NCKAP5: variants seen among roughly 807,000 people sequenced by gnomAD.
The protein encoded by NCKAP5 is NCK associated protein 5.
In NCKAP5, 92 loss-of-function variants were observed where a neutral mutation model predicts 167.0. The ratio of observed to expected loss-of-function variants is 0.55; its 90% CI spans 0.47 to 0.66. NCKAP5 has a LOEUF of 0.66. Ranked by LOEUF, NCKAP5 falls within the 30% of genes least tolerant of loss-of-function variation. The pLI is 0.00. For synonymous variants in NCKAP5, 891 were observed against 877.4 expected (o/e 1.02, Z -0.27); for missense variants, 2,378 against 2,315.0 (o/e 1.03, Z -0.56).
In NCKAP5 at chr2:132,963,771, A is replaced by G. The variant is rs1406436027; in HGVS notation, c.528T>C (p.Asp176=). ...EDSRSESSST[D]EGKEKTKLLL... ...GCAATTTGGTCTTTTCTTTTCCCTC[A>G]TCTGTACTGCTGCTTTCACTCCTCG... Residue 176 remains aspartate (D), a synonymous_variant, in exon 8 of 20, where the codon GAT becomes GAC. Transcript: ENST00000409261. 2.5e-6 allele frequency: 4 copies of G among 1,613,794 alleles called. No individual in the cohort carries two copies. Among genetic ancestry groups the G allele is most frequent in the Admixed American group, 1.7e-5 (1 of 59,992 alleles).
chr2:133,479,473 A>G (rs1370461665), intron 3 of NCKAP5, among the ~76,000 whole-genome samples: 1 of 152,250 alleles, frequency 6.6e-6, no homozygotes, highest in Non-Finnish European at 1.5e-5. Context: ...GGAAGGGAAC[A>G]TTTCAAAGTA....
At chr2:133,526,649 C>T (rs528659959) in intron 2 of NCKAP5, among the ~76,000 whole-genome samples, 15 of 152,240 alleles carry the variant, frequency 9.9e-5, no homozygotes, top group African/African-American at 3.4e-4. Flanking sequence ...CTGCTCTTCT[C>T]AAACCATCTG....
chr2:133,421,775 C>A (rs1422592036), intron 3 of NCKAP5, among the ~76,000 whole-genome samples: 3 of 152,332 alleles, frequency 2.0e-5, no homozygotes, highest in Middle Eastern at 6.8e-3. Context: ...CTCAGTCAGC[C>A]CTTACTTTCC....
At chr2:132,895,815 TCAAAAAAAAAAAAAAAAA>T (rs1248277827) in intron 8 of NCKAP5, among the ~76,000 whole-genome samples, 1 of 41,306 alleles carries the variant, frequency 2.4e-5, no homozygotes, top group Non-Finnish European at 4.0e-5. Flanking sequence ...TGAGAAGGAC[TCAAAAAAAAAAAAAAAAA>T]CAAAAAAAAA....
intron 6 of NCKAP5, among the ~76,000 whole-genome samples, chr2:133,066,561 T>C (rs1170225673): frequency 6.6e-6 from 1 of 152,182 alleles, no homozygotes. Context: ...TCCTTCTCTC[T>C]CACAGAAGAA....
intron 11 of NCKAP5, among the ~76,000 whole-genome samples, chr2:132,805,161 CTAAG>C (rs1202071091): frequency 1.3e-5 from 2 of 152,052 alleles, no homozygotes; most frequent in South Asian, 2.1e-4. Context: ...CTTTTTAGCA[CTAAG>C]TGTGTGTTTC....
chr2:133,599,369 C>A, the NCKAP5 span, among the ~76,000 whole-genome samples: 57 of 152,218 alleles, frequency 3.7e-4, no homozygotes, highest in African/African-American at 1.3e-3. Flanking sequence ...GTAGTGGGAG[C>A]ACTCAGAGGC....
At chr2:133,056,017 G>A (rs932558984) in intron 6 of NCKAP5, among the ~76,000 whole-genome samples, 1 of 152,164 alleles carries the variant, frequency 6.6e-6, no homozygotes, top group Non-Finnish European at 1.5e-5. Flanking sequence ...ACTTATCCCT[G>A]TGCCAATGTT....
chr2:132,735,309 A>G (rs1691406107), intron 16 of NCKAP5, among the ~76,000 whole-genome samples: 1 of 152,286 alleles, frequency 6.6e-6, no homozygotes, highest in Middle Eastern at 3.4e-3. Flanking sequence ...GGTTATATCC[A>G]TCATTCATGA....
At chr2:133,294,419 G>T (rs1417310910) in intron 4 of NCKAP5, among the ~76,000 whole-genome samples, 5 of 152,184 alleles carry the variant, frequency 3.3e-5, no homozygotes, top group African/African-American at 1.2e-4. Context: ...CTCTGGGCCT[G>T]ACTCTTCTCA....
At chr2:132,698,528 G>A (rs1687555612) in intron 19 of NCKAP5, among the ~76,000 whole-genome samples, 1 of 152,056 alleles carries the variant, frequency 6.6e-6, no homozygotes, top group Non-Finnish European at 1.5e-5. Context: ...GCATTGACTG[G>A]GAACTTGTTA....
At position 133,398,107 on chromosome 2, in the gene NCKAP5, G is replaced by A. The variant is rs560709343; in HGVS notation, c.70-94997C>T. ...GGAGCAAAGCCATGGAAAACGTACT[G>A]CCCTGGTGCTACTAGATAAGATCAG... On this transcript the variant is annotated intron_variant, in intron 3 of 19. Coordinates refer to ENST00000409261, the MANE Select transcript of NCKAP5 (RefSeq NM_207363.3). Among the ~76,000 whole-genome samples, 16 of 152,154 alleles carry A rather than the reference G, an allele frequency of 1.1e-4. No homozygotes were observed. In the East Asian group the frequency reaches 3.1e-3, roughly 29 times the overall value.
At chr2:133,585,973 A>C in the NCKAP5 span, among the ~76,000 whole-genome samples, 1 of 152,244 alleles carries the variant, frequency 6.6e-6, no homozygotes. Context: ...GGTGCTGATC[A>C]TTAAAAAAGA....
chr2:133,257,428 T>C (rs1399169035), intron 4 of NCKAP5, among the ~76,000 whole-genome samples: 1 of 152,130 alleles, frequency 6.6e-6, no homozygotes, highest in African/African-American at 2.4e-5. Flanking sequence ...AACAAATGAG[T>C]TATTAATTAA....
chr2:133,115,796 T>TGTTCAC (rs1253176311), intron 6 of NCKAP5, among the ~76,000 whole-genome samples: 1 of 121,042 alleles, frequency 8.3e-6, no homozygotes, highest in African/African-American at 4.3e-5. Flanking sequence ...TATATATATA[T>TGTTCAC]ATATATATAT....
intron 2 of NCKAP5, among the ~76,000 whole-genome samples, chr2:133,534,111 T>C (rs1685573414): frequency 6.6e-6 from 1 of 152,212 alleles, no homozygotes; most frequent in Admixed American, 6.5e-5. Context: ...TGATCCATTT[T>C]GGAAATTAAA....
intron 5 of NCKAP5, among the ~76,000 whole-genome samples, chr2:133,136,417 C>T (rs1364535238): frequency 3.3e-5 from 5 of 152,160 alleles, no homozygotes; most frequent in Admixed American, 1.3e-4. Flanking sequence ...TTTGACGAAA[C>T]ATATCAGGCA....
chr2:133,071,970 T>C (rs1281556643), intron 6 of NCKAP5, among the ~76,000 whole-genome samples: 1 of 152,214 alleles, frequency 6.6e-6, no homozygotes, highest in Non-Finnish European at 1.5e-5. Context: ...GAAAAGGAAG[T>C]ACTCATTATG....
At chr2:133,194,205 G>T (rs1179365093) in intron 5 of NCKAP5, among the ~76,000 whole-genome samples, 3 of 151,936 alleles carry the variant, frequency 2.0e-5, no homozygotes, top group African/African-American at 7.3e-5. Context: ...TTTGAAAAGG[G>T]TTTAAAAGTG....
Sources: allele counts gnomAD v4.1 joint callset (sites outside exome capture counted in the v4.1 genomes callset), GRCh38; gene constraint gnomAD v4.1.1; transcripts MANE v1.5; gene names NCBI Gene and HGNC (gene_info 2026-07-23, HGNC 2026-07-21).